Variants in IGDCC3 observed in about 807,000 individuals in gnomAD.
IGDCC3 encodes the protein immunoglobulin superfamily DCC subclass member 3.
A neutral mutation model predicts 72.0 loss-of-function variants in IGDCC3; 47 were observed. The observed-to-expected ratio is 0.65, with a 90% CI of 0.52 to 0.83. The LOEUF is 0.83. IGDCC3 is among the 40% of genes least tolerant of loss of function. IGDCC3 has a pLI of 0.00. For synonymous variants in IGDCC3, 477 were observed against 472.8 expected, an observed-to-expected ratio of 1.01 and a Z score of -0.11; for missense variants, 1,038 against 1,091.3, an observed-to-expected ratio of 0.95 and a Z score of 0.69.
chr15:65,330,779 G>A (rs1168491247), intron 9 of IGDCC3, 38 bp from the exon 10 acceptor site: 2 of 1,465,222 alleles, frequency 1.4e-6, no homozygotes, highest in Non-Finnish European at 1.9e-6. Flanking sequence ...TGAGGACCCA[G>A]TGGAAGCTCT....
chr15:65,345,633 GAAAGC>G (rs1264527128), intron 2 of IGDCC3, among the ~76,000 whole-genome samples: 3 of 146,244 alleles, frequency 2.1e-5, no homozygotes, highest in East Asian at 2.0e-4. Flanking sequence ...AGAAAAGAAA[GAAAGC>G]AAAGCAAAGA....
chr15:65,355,330 C>T (rs1021409896), intron 2 of IGDCC3, among the ~76,000 whole-genome samples: 2 of 152,198 alleles, frequency 1.3e-5, no homozygotes, highest in African/African-American at 2.4e-5. Flanking sequence ...ACTCCCATCC[C>T]CCCCGCTCTT....
At chr15:65,330,006 C>T in intron 11 of IGDCC3, 142 bp from the exon 12 acceptor site, 2 of 838,790 alleles carry the variant, frequency 2.4e-6, no homozygotes, top group South Asian at 1.7e-5. Context: ...GCCTACAGGA[C>T]TCCAGACCAA....
chr15:65,348,164 C>G (rs1012862173), intron 2 of IGDCC3, among the ~76,000 whole-genome samples: 4 of 152,100 alleles, frequency 2.6e-5, no homozygotes, highest in African/African-American at 9.7e-5. Context: ...ATAATCCACC[C>G]CTTGTTTAGC....
rs763807557 is a variant in IGDCC3 at position 65,375,337 on chromosome 15, G to T, written c.169C>A (p.Gln57Lys). Residue 57 changes from glutamine (Q) to lysine (K), a missense_variant, in exon 2 of 14, where the codon CAG becomes AAG. Gln to Lys is a moderately conservative substitution (Grantham distance 53, BLOSUM62 1). Transcript: ENST00000327987. Reference protein sequence around the residue: ...EPSDDVAVPGQPIVLDCRVEG... With the variant: ...EPSDDVAVPGKPIVLDCRVEG... ...ACCCTGCAGTCCAGCACTATAGGCTGCCCGGGGACGGCAACATCATCACTT... is the reference window on the plus strand; with the variant it reads ...ACCCTGCAGTCCAGCACTATAGGCTTCCCGGGGACGGCAACATCATCACTT... The T allele has an allele frequency of 1.9e-6, 3 of 1,611,536 alleles. No homozygotes were observed. The South Asian group carries it at 3.3e-5, about 18-fold the overall frequency.
At chr15:65,368,720 T>A (rs2091304810) in intron 2 of IGDCC3, among the ~76,000 whole-genome samples, 1 of 152,114 alleles carries the variant, frequency 6.6e-6, no homozygotes, top group African/African-American at 2.4e-5. Flanking sequence ...AGAGAGAATC[T>A]CAGTTCCTCT....
chr15:65,330,395 G>A lies in IGDCC3; in HGVS notation c.1756C>T (p.Pro586Ser), dbSNP rs1211178664. The A allele has an allele frequency of 6.2e-7, 1 of 1,611,392 alleles. No homozygotes were observed. Among genetic ancestry groups the A allele is most frequent in the Non-Finnish European group, 8.5e-7 (1 of 1,178,060 alleles). ...AGCTTCACCTCATACACTGCAGTGG[G>A]GTCTGGAGGAAGGCAGGGCGGATGA... The part of the protein sequence containing the change: ...VSSYNLSQLD[P>S]TAVYEVKLLA... The change falls in exon 11 of 14, where the codon CCC becomes TCC. Residue 586 changes from proline (P) to serine (S), a missense_variant and splice_region_variant. Physicochemically the swap from Pro to Ser is moderately conservative, Grantham distance 74 (BLOSUM62 -1). Transcript: ENST00000327987.
chr15:65,375,242 G>T lies in IGDCC3; in HGVS notation c.264C>A (p.Ser88=), dbSNP rs1238645924. ...NGVELPESTH[S]TLLANGSLMI... ...TCAAGGACCCATTGGCCAGCAAGGTGGAGTGGGTACTCTCTGGCAGCTCTA... is the reference window on the plus strand; with the variant it reads ...TCAAGGACCCATTGGCCAGCAAGGTTGAGTGGGTACTCTCTGGCAGCTCTA... The change falls in exon 2 of 14, where the codon TCC becomes TCA. Residue 88 remains serine (S), a synonymous_variant. Transcript: ENST00000327987. 1.9e-6 allele frequency: 3 copies of T among 1,614,112 alleles called. No homozygotes were observed. The highest frequency in any genetic ancestry group is 2.5e-6 in the Non-Finnish European group (3 of 1,180,050).
At chr15:65,354,098 G>A (rs761874336) in intron 2 of IGDCC3, among the ~76,000 whole-genome samples, 4 of 152,118 alleles carry the variant, frequency 2.6e-5, no homozygotes, top group Non-Finnish European at 2.9e-5. Flanking sequence ...TAGAGATGGG[G>A]TTTCACCACG....
In IGDCC3 at chr15:65,329,673, A is replaced by T. The variant is rs2090958471; in HGVS notation, c.1997+53T>A. The T allele has an allele frequency of 6.2e-7, 1 of 1,612,314 alleles. No homozygotes were observed. Among genetic ancestry groups the T allele is most frequent in the African/African-American group, 1.3e-5 (1 of 74,990 alleles). On this transcript the variant is annotated intron_variant, in intron 12 of 13. Coordinates refer to ENST00000327987, the MANE Select transcript of IGDCC3 (RefSeq NM_004884.4). This position sits in a 1 kb window ranked among gnomAD's most constrained non-coding sequence, Gnocchi z 4.1. Reference sequence around the variant, plus strand: ...CAGTGAGCCCACACTCACCTTCTCTAGGCCTAGTCCCCCACACACCAGCCC... The same window carrying T: ...CAGTGAGCCCACACTCACCTTCTCTTGGCCTAGTCCCCCACACACCAGCCC...
chr15:65,367,346 C>CAA (rs10609381), intron 2 of IGDCC3, among the ~76,000 whole-genome samples: 14 of 74,386 alleles, frequency 1.9e-4, no homozygotes, highest in East Asian at 3.6e-4. Context: ...GACTTTGTCT[C>CAA]AAAAAAAAAA....
At chr15:65,367,318 G>T (rs2091293036) in intron 2 of IGDCC3, among the ~76,000 whole-genome samples, 1 of 138,966 alleles carries the variant, frequency 7.2e-6, no homozygotes. Flanking sequence ...CTGCACTCCA[G>T]CCTGGGAGAC....
chr15:65,347,446 A>C (rs2091133665), intron 2 of IGDCC3, among the ~76,000 whole-genome samples: 1 of 152,198 alleles, frequency 6.6e-6, no homozygotes, highest in East Asian at 1.9e-4. Flanking sequence ...AGATTCTAGG[A>C]TAACACTGGG....
In IGDCC3 at chr15:65,368,893, G is replaced by A. The variant is rs538879717; in HGVS notation, c.409+6204C>T. ...AAGAGAAGCAGAGAGAGAAACAGAG[G>A]AGAGACAGAGAGACAGCTTTGTCCC... On this transcript the variant is annotated intron_variant, in intron 2 of 13. Transcript: ENST00000327987. Among the ~76,000 whole-genome samples, 4 of 152,248 alleles carry A rather than the reference G, an allele frequency of 2.6e-5. No individual in the cohort carries two copies. In the South Asian group the frequency reaches 8.3e-4, roughly 32 times the overall value.
chr15:65,371,100 G>A (rs1304816990), intron 2 of IGDCC3, among the ~76,000 whole-genome samples: 1 of 152,260 alleles, frequency 6.6e-6, no homozygotes, highest in Non-Finnish European at 1.5e-5. Context: ...CAGGCTGGGA[G>A]TGAGGGCAAT....
intron 11 of IGDCC3, 99 bp downstream of exon 11, chr15:65,330,194 G>T: frequency 1.1e-6 from 1 of 918,010 alleles, no homozygotes; most frequent in Non-Finnish European, 1.7e-6. Flanking sequence ...TCAAACTGTG[G>T]TCTAAGCCTG....
Position 65,327,984 on chromosome 15 carries a change from T to C in IGDCC3, c.*925A>G, listed in dbSNP as rs2090934104. 1 of 152,736 alleles carries C rather than the reference T, an allele frequency of 6.5e-6. No individual in the cohort carries two copies. The highest frequency in any genetic ancestry group is 6.5e-5 in the Admixed American group (1 of 15,290). 9.5% of individuals were successfully genotyped at this position (152,736 alleles called of 1,614,324 possible). ...GACAAGACGGGGACAGGCGGTGTGCTGGGAGGTGGCTCGTTTGGACAATTT... is the reference window on the plus strand; with the variant it reads ...GACAAGACGGGGACAGGCGGTGTGCCGGGAGGTGGCTCGTTTGGACAATTT... On this transcript the variant is annotated 3_prime_UTR_variant, in exon 14 of 14. Transcript: ENST00000327987.
At chr15:65,341,520 T>C (rs2091081322) in intron 2 of IGDCC3, among the ~76,000 whole-genome samples, 1 of 152,172 alleles carries the variant, frequency 6.6e-6, no homozygotes, top group Admixed American at 6.5e-5. Flanking sequence ...ATCCATTGAG[T>C]GGAATATTAT....
At chr15:65,356,246 G>A (rs2091219346) in intron 2 of IGDCC3, 1 of 154,764 alleles carries the variant, frequency 6.5e-6, no homozygotes, top group Non-Finnish European at 1.4e-5. Context: ...CCGAGGTTTA[G>A]GCAATGGCTG....
Sources: gnomAD v4.1 joint callset for allele counts (sites outside exome capture counted in the v4.1 genomes callset) on GRCh38, gnomAD v4.1.1 for gene constraint, Gnocchi (gnomAD v3.1) non-coding constraint, MANE v1.5 for transcripts, NCBI Gene and HGNC (gene_info 2026-07-23, HGNC 2026-07-21) for gene names.